SLC44A1: variants seen among roughly 807,000 people sequenced by gnomAD.
The protein encoded by SLC44A1 is choline transporter-like protein 1.
Under a neutral mutation model 79.3 loss-of-function variants are expected in SLC44A1, and 26 were observed. That is an observed-to-expected ratio of 0.33 (90% CI 0.24 to 0.46). The LOEUF (loss-of-function observed/expected upper bound fraction) is 0.46, where lower values mean the gene tolerates loss of function less well. Ranked by LOEUF, SLC44A1 falls within the 20% of genes least tolerant of loss-of-function variation. The pLI is 1.00. For missense variants in SLC44A1, 688 were observed against 798.1 expected, an observed-to-expected ratio of 0.86 and a Z score of 1.66; for synonymous variants, 263 against 286.2, an observed-to-expected ratio of 0.92 and a Z score of 0.82.
At chr9:105,403,097 G>A (rs926443577) in intron 15 of SLC44A1, among the ~76,000 whole-genome samples, 2 of 149,100 alleles carry the variant, frequency 1.3e-5, no homozygotes, top group African/African-American at 5.0e-5. Flanking sequence ...TGAGATTACA[G>A]GTGTGAGCCA....
chr9:105,288,816 C>G (rs1181772125), intron 1 of SLC44A1, among the ~76,000 whole-genome samples: 1 of 152,186 alleles, frequency 6.6e-6, no homozygotes, highest in African/African-American at 2.4e-5. Context: ...TTCTTATTCT[C>G]TGATTTCTAG....
At chr9:105,266,551 A>G (rs1829966503) in intron 1 of SLC44A1, among the ~76,000 whole-genome samples, 1 of 152,110 alleles carries the variant, frequency 6.6e-6, no homozygotes, top group South Asian at 2.1e-4. Flanking sequence ...TTTCAGTGCA[A>G]TTTATTGACA....
At chr9:105,255,745 C>G (rs1829689121) in intron 1 of SLC44A1, among the ~76,000 whole-genome samples, 1 of 152,174 alleles carries the variant, frequency 6.6e-6, no homozygotes, top group South Asian at 2.1e-4. Flanking sequence ...TATAGCCAGA[C>G]TATATCAATT....
At chr9:105,369,399 G>A (rs910150330) in intron 12 of SLC44A1, among the ~76,000 whole-genome samples, 2 of 152,128 alleles carry the variant, frequency 1.3e-5, no homozygotes, top group African/African-American at 4.8e-5. Flanking sequence ...AGACAAAACA[G>A]CTCTTTGGGG....
Position 105,405,214 on chromosome 9 carries a change from G to A in SLC44A1, c.1950+19712G>A, listed in dbSNP as rs551871629. Among the ~76,000 whole-genome samples, 397 of 152,058 alleles carry A rather than the reference G, an allele frequency of 2.6e-3. 1 individual carries two copies. Among genetic ancestry groups the A allele is most frequent in the Non-Finnish European group, 4.1e-3 (278 of 67,970 alleles). On this transcript the variant is annotated intron_variant, in intron 15 of 15. Coordinates refer to the SLC44A1 transcript ENST00000374724. ...CGGGCACCTGCAATCCCAGCTACTC[G>A]GGAGGCTGAGGCAGGAGAATCTCTT...
intron 4 of SLC44A1, among the ~76,000 whole-genome samples, chr9:105,340,722 A>G (rs965445969): frequency 6.6e-6 from 1 of 152,228 alleles, no homozygotes; most frequent in African/African-American, 2.4e-5. Flanking sequence ...ACAACATTTG[A>G]AAGTACTTTT....
chr9:105,283,667 A>G (rs1830410411), intron 1 of SLC44A1, among the ~76,000 whole-genome samples: 2 of 152,358 alleles, frequency 1.3e-5, no homozygotes, highest in Admixed American at 1.3e-4. Flanking sequence ...AAGAACTATT[A>G]CATTTATTCT....
chr9:105,420,861 CAAAAAAAAAA>C (rs34053627), intron 15 of SLC44A1, among the ~76,000 whole-genome samples: 10 of 12,470 alleles, frequency 8.0e-4, no homozygotes, highest in Non-Finnish European at 1.3e-3. Context: ...AACTCCATCT[CAAAAAAAAAA>C]AAAAAAAAAA....
chr9:105,350,334 G>A (rs1448782166), intron 5 of SLC44A1, among the ~76,000 whole-genome samples: 1 of 152,138 alleles, frequency 6.6e-6, no homozygotes, highest in African/African-American at 2.4e-5. Context: ...GAAAGGATCT[G>A]AGAATAAGAA....
chr9:105,366,645 T>C lies in SLC44A1; in HGVS notation c.1494+216T>C, dbSNP rs564742292. ...TATTATTTTAATTTTTTCCAACTTTTAGGTTTAGGGAGTACATGTACAGAT... is the reference window on the plus strand; with the variant it reads ...TATTATTTTAATTTTTTCCAACTTTCAGGTTTAGGGAGTACATGTACAGAT... On this transcript the variant is annotated intron_variant, in intron 12 of 15. Coordinates refer to ENST00000374720, the MANE Select transcript of SLC44A1 (RefSeq NM_080546.5). Among the ~76,000 whole-genome samples the C allele has an allele frequency of 3.3e-5, 5 of 152,286 alleles. No individual in the cohort carries two copies. The East Asian group carries it at 9.6e-4, about 29-fold the overall frequency.
intron 2 of SLC44A1, among the ~76,000 whole-genome samples, chr9:105,303,780 G>A (rs1373515286): frequency 6.6e-6 from 1 of 152,230 alleles, no homozygotes; most frequent in Non-Finnish European, 1.5e-5. Flanking sequence ...ACATGGACCT[G>A]TAGGACCAGT....
At chr9:105,278,698 A>T (rs1588725741) in intron 1 of SLC44A1, among the ~76,000 whole-genome samples, 1 of 152,258 alleles carries the variant, frequency 6.6e-6, no homozygotes, top group East Asian at 1.9e-4. Flanking sequence ...CAGCTTTCTC[A>T]TCTGCATTTG....
chr9:105,385,021 G>A (rs769500026), intron 14 of SLC44A1, among the ~76,000 whole-genome samples: 18 of 152,206 alleles, frequency 1.2e-4, no homozygotes, highest in Non-Finnish European at 1.9e-4. Flanking sequence ...TTATTTAAAA[G>A]TGGAGGCTTA....
chr9:105,326,237 AT>A (rs1826572453), intron 3 of SLC44A1, among the ~76,000 whole-genome samples: 1 of 151,974 alleles, frequency 6.6e-6, no homozygotes, highest in African/African-American at 2.4e-5. Flanking sequence ...CATCTGGCTA[AT>A]TTTTGTATTT....
In SLC44A1 at chr9:105,372,676, C is replaced by T. The variant is rs996720195; in HGVS notation, c.1495-1922C>T. On this transcript the variant is annotated intron_variant, in intron 12 of 15. Coordinates refer to ENST00000374720, the MANE Select transcript of SLC44A1 (RefSeq NM_080546.5). ...GCTTAAGAACCACAGGTAGGCCGGG[C>T]GCGGTGGCTCACGCCTGTAATCCCA... is the stretch of plus-strand genomic sequence containing the variant. 2.7e-5 allele frequency among the ~76,000 whole-genome samples: 4 copies of T among 150,794 alleles called. No individual in the cohort carries two copies. The East Asian group carries it at 8.1e-4, about 31-fold the overall frequency.
chr9:105,358,429 A>G lies in SLC44A1; in HGVS notation c.756A>G (p.Ser252=). The change falls in exon 7 of 16, where the codon TCA becomes TCG. Residue 252 remains serine (S), a synonymous_variant. Coordinates refer to ENST00000374720, the MANE Select transcript of SLC44A1 (RefSeq NM_080546.5). ...WILTILVILG[S]LGGTGVLWWL... is the part of the protein sequence containing the mutation. ...TAACGATTCTGGTCATACTCGGTTC[A>G]CTTGGTAAGCTATTTATTTCTTTGT... 2 of 1,553,358 alleles carry G rather than the reference A, an allele frequency of 1.3e-6. No individual in the cohort carries two copies. Among genetic ancestry groups the G allele is most frequent in the Non-Finnish European group, 1.8e-6 (2 of 1,125,292 alleles).
At chr9:105,248,917 T>C (rs1829517418) in intron 1 of SLC44A1, among the ~76,000 whole-genome samples, 1 of 152,256 alleles carries the variant, frequency 6.6e-6, no homozygotes, top group African/African-American at 2.4e-5. Context: ...TCTTTGTCCT[T>C]AATGGCTAGA....
chr9:105,398,603 T>A (rs558701600), downstream of SLC44A1, among the ~76,000 whole-genome samples: 515 of 152,296 alleles, frequency 3.4e-3, 5 homozygotes, highest in Non-Finnish European at 4.9e-3. Context: ...TAACCTCAAA[T>A]TGAAGGAAAT....
At chr9:105,336,743 G>A (rs925406664) in intron 4 of SLC44A1, among the ~76,000 whole-genome samples, 2 of 152,152 alleles carry the variant, frequency 1.3e-5, no homozygotes, top group African/African-American at 4.8e-5. Context: ...GGGGATGCTA[G>A]CCTTCTGAAG....
Sources: allele counts gnomAD v4.1 joint callset (sites outside exome capture counted in the v4.1 genomes callset), GRCh38; gene constraint gnomAD v4.1.1; transcripts MANE v1.5; gene names NCBI Gene and HGNC (gene_info 2026-07-23, HGNC 2026-07-21).